Variants in FGF12 observed in about 807,000 individuals in gnomAD.
FGF12 encodes fibroblast growth factor 12B.
Under a neutral mutation model 23.6 loss-of-function variants are expected in FGF12, and 14 were observed. That is an observed-to-expected ratio of 0.59 (90% CI 0.39 to 0.93). FGF12 has a LOEUF of 0.93. FGF12 is among the 40% of genes least tolerant of loss of function. FGF12 has a pLI of 0.00. For synonymous variants in FGF12, 62 were observed against 77.3 expected, an observed-to-expected ratio of 0.80 and a Z score of 1.04; for missense variants, 175 against 217.8, an observed-to-expected ratio of 0.80 and a Z score of 1.24.
chr3:192,700,814 C>T (rs945969004), intron 2 of FGF12, among the ~76,000 whole-genome samples: 1 of 152,174 alleles, frequency 6.6e-6, no homozygotes, highest in Non-Finnish European at 1.5e-5. Flanking sequence ...AACATTCAAA[C>T]AGAGATCTTA....
chr3:192,291,143 A>T (rs964212261), intron 4 of FGF12, among the ~76,000 whole-genome samples: 1 of 152,134 alleles, frequency 6.6e-6, no homozygotes, highest in African/African-American at 2.4e-5. Flanking sequence ...TCTTCTGGTG[A>T]TTTACTACTA....
At chr3:192,303,990 AT>A (rs1300941899) in intron 4 of FGF12, among the ~76,000 whole-genome samples, 1 of 152,124 alleles carries the variant, frequency 6.6e-6, no homozygotes, top group Non-Finnish European at 1.5e-5. Flanking sequence ...TTTCATCTTT[AT>A]TTCCTCACCT....
chr3:192,620,372 G>A (rs945526863), intron 2 of FGF12, among the ~76,000 whole-genome samples: 2 of 152,094 alleles, frequency 1.3e-5, no homozygotes, highest in African/African-American at 4.8e-5. Context: ...CGGAGAGTTT[G>A]CCAAAAAGGC....
chr3:192,703,437 G>A (rs2108731856), intron 2 of FGF12, among the ~76,000 whole-genome samples: 1 of 152,302 alleles, frequency 6.6e-6, no homozygotes, highest in East Asian at 1.9e-4. Context: ...ATCTGGCCTT[G>A]ATGCTCATGG....
chr3:192,172,281 CG>C (rs1317947215), intron 4 of FGF12, among the ~76,000 whole-genome samples: 5 of 149,282 alleles, frequency 3.3e-5, no homozygotes, highest in Non-Finnish European at 7.5e-5. Flanking sequence ...TCCAGCTACT[CG>C]GGAGGCTGAG....
chr3:192,578,589 C>T (rs1162219635), intron 2 of FGF12, among the ~76,000 whole-genome samples: 1 of 152,170 alleles, frequency 6.6e-6, no homozygotes, highest in Non-Finnish European at 1.5e-5. Flanking sequence ...TTTTGTCCCA[C>T]CTAACCTCAG....
intron 3 of FGF12, among the ~76,000 whole-genome samples, chr3:192,351,295 G>A: frequency 6.6e-6 from 1 of 152,028 alleles, no homozygotes; most frequent in East Asian, 1.9e-4. Context: ...TGAGGGGTGG[G>A]GGAAGTAAAC....
At chr3:192,676,014 G>A (rs559115308) in intron 2 of FGF12, among the ~76,000 whole-genome samples, 8 of 152,296 alleles carry the variant, frequency 5.3e-5, no homozygotes, top group South Asian at 2.1e-4. Context: ...GGAGAGACAC[G>A]CTTTTGACAA....
In FGF12 at chr3:192,452,071, G is replaced by A. The variant is rs939966875; in HGVS notation, c.14-91533C>T. Among the ~76,000 whole-genome samples the A allele has an allele frequency of 4.6e-5, 7 of 152,160 alleles. No individual in the cohort carries two copies. In the East Asian group the frequency reaches 5.8e-4, roughly 13 times the overall value. On this transcript the variant is annotated intron_variant, in intron 2 of 5. Coordinates refer to ENST00000445105, the MANE Select transcript of FGF12 (RefSeq NM_004113.6). ...AGTAATGAAAATGGATATCTTTGCC[G>A]TATTCCCAATTATAGCAGAAAAGCA...
chr3:192,662,586 T>G (rs1158817568), intron 2 of FGF12, among the ~76,000 whole-genome samples: 1 of 152,184 alleles, frequency 6.6e-6, no homozygotes, highest in Non-Finnish European at 1.5e-5. Flanking sequence ...CTTGATAGAC[T>G]CTTTTAAATA....
intron 4 of FGF12, among the ~76,000 whole-genome samples, chr3:192,247,167 A>G (rs925129149): frequency 1.3e-5 from 2 of 152,138 alleles, no homozygotes; most frequent in African/African-American, 4.8e-5. Flanking sequence ...GTGATGTGCA[A>G]TGGTGCTAAG....
At chr3:192,333,205 C>T (rs1185151776) in intron 4 of FGF12, among the ~76,000 whole-genome samples, 1 of 152,122 alleles carries the variant, frequency 6.6e-6, no homozygotes, top group East Asian at 1.9e-4. Flanking sequence ...GCTTACAATA[C>T]TGTTGTCAAA....
At chr3:192,513,580 G>T (rs1363502474) in intron 2 of FGF12, among the ~76,000 whole-genome samples, 3 of 152,098 alleles carry the variant, frequency 2.0e-5, no homozygotes, top group African/African-American at 7.2e-5. Flanking sequence ...CATAGCTCAA[G>T]AACAGAGTGA....
intron 2 of FGF12, among the ~76,000 whole-genome samples, chr3:192,540,880 T>A (rs1444349158): frequency 6.6e-6 from 1 of 152,230 alleles, no homozygotes; most frequent in African/African-American, 2.4e-5. Flanking sequence ...TTCTTTATCA[T>A]TATGTAATGA....
intron 4 of FGF12, among the ~76,000 whole-genome samples, chr3:192,312,249 A>C (rs1391840845): frequency 2.6e-5 from 4 of 152,108 alleles, no homozygotes; most frequent in African/African-American, 9.7e-5. Flanking sequence ...CCAAGGTCAT[A>C]AAAGTTTACT....
chr3:192,543,775 C>T (rs1430550720), intron 2 of FGF12, among the ~76,000 whole-genome samples: 1 of 152,142 alleles, frequency 6.6e-6, no homozygotes, highest in Non-Finnish European at 1.5e-5. Context: ...AGTGGATTCC[C>T]TTTTGGCCCA....
intron 2 of FGF12, among the ~76,000 whole-genome samples, chr3:192,526,762 T>C (rs1303614200): frequency 6.6e-6 from 1 of 152,262 alleles, no homozygotes; most frequent in Non-Finnish European, 1.5e-5. Flanking sequence ...TATATGATTC[T>C]GTTTCTTTAG....
chr3:192,143,942 G>C lies in FGF12; in HGVS notation c.*67C>G, dbSNP rs1713547908. On this transcript the variant is annotated 3_prime_UTR_variant, in exon 6 of 6. Transcript: ENST00000445105. ...TCTCCTTGGGTGGATTTACTGGAAGGAAATGGGTAAATGGGAAGGAAGGGA... is the reference window on the plus strand; with the variant it reads ...TCTCCTTGGGTGGATTTACTGGAAGCAAATGGGTAAATGGGAAGGAAGGGA... 1.0e-6 allele frequency: 1 copy of C among 999,688 alleles called. No individual in the cohort carries two copies. The highest frequency in any genetic ancestry group is 1.6e-6 in the Non-Finnish European group (1 of 632,664). The allele number at this position is 999,688 out of a possible 1,614,324, so 61.9% of individuals were successfully genotyped here.
chr3:192,251,465 A>T (rs1024381630), intron 4 of FGF12, among the ~76,000 whole-genome samples: 1 of 152,184 alleles, frequency 6.6e-6, no homozygotes, highest in African/African-American at 2.4e-5. Flanking sequence ...GTAGCCTATG[A>T]CTGTGCAATT....
Sources: gnomAD v4.1 joint callset for allele counts (sites outside exome capture counted in the v4.1 genomes callset) on GRCh38, gnomAD v4.1.1 for gene constraint, MANE v1.5 for transcripts, NCBI Gene and HGNC (gene_info 2026-07-23, HGNC 2026-07-21) for gene names.